SSBP3: variants seen among roughly 807,000 people sequenced by gnomAD.
SSBP3 encodes the protein single stranded DNA binding protein 3, also known as single-stranded DNA-binding protein 3.
A neutral mutation model predicts 69.6 loss-of-function variants in SSBP3; 5 were observed. The observed-to-expected ratio is 0.07, with a 90% CI of 0.04 to 0.15. The LOEUF is 0.15. SSBP3 is among the 10% of genes least tolerant of loss of function. The pLI, the probability that SSBP3 is intolerant of heterozygous loss-of-function variation, is 1.00. For missense variants in SSBP3, 312 were observed against 534.0 expected, an observed-to-expected ratio of 0.58 and a Z score of 4.10; for synonymous variants, 196 against 193.4, an observed-to-expected ratio of 1.01 and a Z score of -0.11.
intron 5 of SSBP3, among the ~76,000 whole-genome samples, chr1:54,263,059 C>T (rs1474705839): frequency 6.6e-6 from 1 of 152,194 alleles, no homozygotes; most frequent in East Asian, 1.9e-4. Flanking sequence ...TCCAGCAGCT[C>T]CTGAGAGCCA....
chr1:54,289,040 A>AAC (rs1251540302), intron 4 of SSBP3, among the ~76,000 whole-genome samples: 7 of 53,870 alleles, frequency 1.3e-4, no homozygotes, highest in African/African-American at 2.6e-4. Flanking sequence ...AAAAAAACAA[A>AAC]AAAACAAAAA....
At chr1:54,243,500 G>A (rs1391680178) in intron 9 of SSBP3, among the ~76,000 whole-genome samples, 2 of 152,186 alleles carry the variant, frequency 1.3e-5, no homozygotes, top group African/African-American at 4.8e-5. Context: ...AGCACAGAGG[G>A]ACAGTCACAA....
chr1:54,238,381 G>A (rs934801851), intron 14 of SSBP3: 14 of 467,094 alleles, frequency 3.0e-5, no homozygotes, highest in African/African-American at 2.6e-4. Flanking sequence ...CTCCTGGAGG[G>A]GCAAGGCTGA....
intron 13 of SSBP3, 100 bp from the exon 14 acceptor site, chr1:54,239,299 TA>T: frequency 1.1e-6 from 1 of 937,924 alleles, no homozygotes; most frequent in Admixed American, 2.9e-5. Flanking sequence ...TTTTATAACC[TA>T]AAATTTCCTC....
intron 4 of SSBP3, 90 bp downstream of exon 4, chr1:54,401,771 T>C (rs1007988513): frequency 2.7e-5 from 30 of 1,108,004 alleles, no homozygotes; most frequent in Non-Finnish European, 3.4e-5. Flanking sequence ...TAAAGACCAC[T>C]GCGAACTGGC....
chr1:54,239,133 G>A (rs747361260), exon 14 of SSBP3: 1 of 1,613,554 alleles, frequency 6.2e-7, no homozygotes, highest in African/African-American at 1.3e-5. Flanking sequence ...ACTTACGTTG[G>A]ACCGGCTGCC....
chr1:54,291,792 C>T lies in SSBP3; in HGVS notation c.277-10265G>A, dbSNP rs556311937. 6.6e-5 allele frequency among the ~76,000 whole-genome samples: 10 copies of T among 152,348 alleles called. No homozygotes were observed. In the South Asian group the frequency reaches 1.7e-3, roughly 25 times the overall value. ...CACTACGAAGCGCTGGGCACTTATT[C>T]GAGTGTCTGCTGCTGTCCATTCAGG... is the stretch of plus-strand genomic sequence containing the variant. On this transcript the variant is annotated intron_variant, in intron 4 of 17. Coordinates refer to ENST00000610401, the Ensembl canonical transcript of SSBP3.
chr1:54,411,473 G>A (rs1342731163), intron 1 of SSBP3, among the ~76,000 whole-genome samples: 3 of 120,352 alleles, frequency 2.5e-5, no homozygotes, highest in Non-Finnish European at 5.6e-5. Context: ...ACAATACTCT[G>A]TCTTGAAAAA....
At chr1:54,316,663 AATAAATAAAT>A (rs1557525311) in intron 4 of SSBP3, among the ~76,000 whole-genome samples, 1,198 of 33,418 alleles carry the variant, frequency 0.036, 113 homozygotes, top group South Asian at 0.088. Flanking sequence ...AAAAAAATAA[AATAAATAAAT>A]AAATAAATAA....
intron 4 of SSBP3, among the ~76,000 whole-genome samples, chr1:54,377,803 T>A (rs938532578): frequency 2.0e-5 from 3 of 152,176 alleles, no homozygotes; most frequent in Non-Finnish European, 4.4e-5. Context: ...TGACAGCATT[T>A]AAGACACTGA....
intron 4 of SSBP3, among the ~76,000 whole-genome samples, chr1:54,370,596 C>T (rs1404900064): frequency 6.6e-6 from 1 of 152,124 alleles, no homozygotes; most frequent in African/African-American, 2.4e-5. Context: ...AAGCCACCTG[C>T]GTTTTTATCA....
chr1:54,334,579 T>TA (rs1318626395), intron 4 of SSBP3, among the ~76,000 whole-genome samples: 4 of 152,278 alleles, frequency 2.6e-5, no homozygotes, highest in Non-Finnish European at 5.9e-5. Flanking sequence ...ATTGGTCAAG[T>TA]AACTTAACCT....
At chr1:54,294,152 AAAAAAAAAAAGAAAGAAAG>A (rs1439708194) in intron 4 of SSBP3, among the ~76,000 whole-genome samples, 2 of 100,568 alleles carry the variant, frequency 2.0e-5, no homozygotes, top group African/African-American at 3.5e-5. Context: ...CAAAAAAAAA[AAAAAAAAAAAGAAAGAAAG>A]AAAGAAAGAA....
At chr1:54,413,324 C>T (rs1454169042) in intron 1 of SSBP3, 1 of 152,218 alleles carries the variant, frequency 6.6e-6, no homozygotes, top group Non-Finnish European at 1.5e-5. Context: ...ATCTCAGTGG[C>T]TTATAATAAA....
Position 54,404,505 on chromosome 1 carries a change from C to G in SSBP3, c.191+71G>C, listed in dbSNP as rs1175309626. The G allele has an allele frequency of 3.2e-6, 5 of 1,582,242 alleles. No individual in the cohort carries two copies. The Admixed American group carries it at 5.0e-5, about 16-fold the overall frequency. ...GGCGGAGGGCCTGCTCCAAGCCTCC[C>G]TTCTTTGTTCACTTGGACCCAGGGC... On this transcript the variant is annotated intron_variant, in intron 3 of 17. Transcript: ENST00000610401.
At position 54,239,209 on chromosome 1, in the gene SSBP3, A is replaced by G. The variant is rs201180203; in HGVS notation, c.857-10T>C. 2.4e-3 allele frequency: 3,892 copies of G among 1,601,718 alleles called. 8 individuals carry two copies. The highest frequency in any genetic ancestry group is 3.1e-3 in the Non-Finnish European group (3,588 of 1,174,180). On this transcript the variant is annotated splice_polypyrimidine_tract_variant and intron_variant, in intron 13 of 17. Coordinates refer to ENST00000610401, the Ensembl canonical transcript of SSBP3. ...CTGGAATTTGTTGAATCTGTAGAAC[A>G]GTGGAAACCCACAAGTCGGGGTGAT...
At chr1:54,301,609 G>A (rs977940861) in intron 4 of SSBP3, among the ~76,000 whole-genome samples, 5 of 152,222 alleles carry the variant, frequency 3.3e-5, no homozygotes, top group Non-Finnish European at 5.9e-5. Flanking sequence ...ACCCTGAAGA[G>A]GCGCTCAGGC....
chr1:54,398,809 C>A (rs1649078076), intron 4 of SSBP3, among the ~76,000 whole-genome samples: 1 of 152,224 alleles, frequency 6.6e-6, no homozygotes, highest in Non-Finnish European at 1.5e-5. Flanking sequence ...GATGTGAGTT[C>A]CCCCAATGCT....
chr1:54,239,041 CAATT>C, intron 14 of SSBP3, 84 bp downstream of exon 14: 1 of 1,106,738 alleles, frequency 9.0e-7, no homozygotes, highest in Non-Finnish European at 1.3e-6. Context: ...TGGCTGAAAT[CAATT>C]AAACTTGCTT....
Sources: gnomAD v4.1 joint callset for allele counts (sites outside exome capture counted in the v4.1 genomes callset) on GRCh38, gnomAD v4.1.1 for gene constraint, MANE v1.5 for transcripts, NCBI Gene and HGNC (gene_info 2026-07-23, HGNC 2026-07-21) for gene names.